Variants in STAU2 observed in about 807,000 individuals in gnomAD.
STAU2 encodes the protein staufen double-stranded RNA binding protein 2.
A neutral mutation model predicts 65.9 loss-of-function variants in STAU2; 20 were observed. The observed-to-expected ratio is 0.30, with a 90% CI of 0.21 to 0.44. STAU2 has a LOEUF of 0.44. Ranked by LOEUF, STAU2 falls within the 20% of genes least tolerant of loss-of-function variation. The pLI is 1.00. For synonymous variants in STAU2, 232 were observed against 233.9 expected, an observed-to-expected ratio of 0.99 and a Z score of 0.07; for missense variants, 558 against 683.9, an observed-to-expected ratio of 0.82 and a Z score of 2.05.
chr8:73,732,447 T>C (rs1450136163), intron 3 of STAU2: 3 of 151,978 alleles, frequency 2.0e-5, no homozygotes, highest in Admixed American at 6.6e-5. Context: ...GATGCCGGGA[T>C]CATTGGGGGC....
At chr8:73,667,135 A>G (rs1817294763) in intron 6 of STAU2, among the ~76,000 whole-genome samples, 1 of 152,150 alleles carries the variant, frequency 6.6e-6, no homozygotes, top group Non-Finnish European at 1.5e-5. Context: ...TCTACCTTCT[A>G]AATATCTATA....
At chr8:73,724,984 G>C (rs970999751) in intron 3 of STAU2, among the ~76,000 whole-genome samples, 2 of 152,118 alleles carry the variant, frequency 1.3e-5, no homozygotes, top group Admixed American at 6.6e-5. Flanking sequence ...ACCATGCCCA[G>C]TTAATTATGT....
At chr8:73,481,057 A>G (rs1002126533) in intron 13 of STAU2, among the ~76,000 whole-genome samples, 1 of 152,156 alleles carries the variant, frequency 6.6e-6, no homozygotes, top group Non-Finnish European at 1.5e-5. Context: ...CATACTACAC[A>G]CAAGTATTCA....
At chr8:73,717,570 T>C (rs953523895) in intron 3 of STAU2, among the ~76,000 whole-genome samples, 1 of 152,224 alleles carries the variant, frequency 6.6e-6, no homozygotes, top group Non-Finnish European at 1.5e-5. Flanking sequence ...TATCTACATA[T>C]AAGGAGTTTA....
At chr8:73,424,201 C>CTTTTTTTTT (rs59063960) in intron 13 of STAU2, among the ~76,000 whole-genome samples, 11 of 115,290 alleles carry the variant, frequency 9.5e-5, no homozygotes, top group African/African-American at 3.5e-4. Flanking sequence ...TCCTCTATGT[C>CTTTTTTTTT]TTTTTTTTTT....
intron 13 of STAU2, among the ~76,000 whole-genome samples, chr8:73,464,769 C>A (rs977208569): frequency 6.6e-6 from 1 of 152,170 alleles, no homozygotes; most frequent in African/African-American, 2.4e-5. Context: ...TTGAATATAG[C>A]TTGTAATAAC....
At chr8:73,428,629 A>C (rs1334314785) in intron 13 of STAU2, among the ~76,000 whole-genome samples, 5 of 152,202 alleles carry the variant, frequency 3.3e-5, no homozygotes, top group Non-Finnish European at 7.4e-5. Context: ...CAAGGGCAAA[A>C]CAACAACTAA....
chr8:73,582,691 C>T, intron 12 of STAU2, 79 bp downstream of exon 12: 8 of 1,401,002 alleles, frequency 5.7e-6, no homozygotes, highest in South Asian at 3.5e-5. Context: ...CCCAGACAGA[C>T]CCAACCAATC....
intron 11 of STAU2, among the ~76,000 whole-genome samples, chr8:73,592,208 CT>C (rs1414540572): frequency 6.6e-6 from 1 of 151,376 alleles, no homozygotes; most frequent in Non-Finnish European, 1.5e-5. Context: ...TATAAACCCC[CT>C]AGCTAAACTG....
intron 3 of STAU2, among the ~76,000 whole-genome samples, chr8:73,735,723 T>C (rs1254348063): frequency 6.6e-6 from 1 of 152,162 alleles, no homozygotes; most frequent in Non-Finnish European, 1.5e-5. Context: ...CTAGCCAACA[T>C]CCAGGGAATT....
intron 12 of STAU2, among the ~76,000 whole-genome samples, chr8:73,559,772 G>T (rs1586004361): frequency 6.6e-6 from 1 of 152,144 alleles, no homozygotes; most frequent in African/African-American, 2.4e-5. Flanking sequence ...GTATTTGTAA[G>T]TGACTCCACC....
chr8:73,538,649 A>C (rs1806332760), intron 13 of STAU2, among the ~76,000 whole-genome samples: 1 of 51,292 alleles, frequency 1.9e-5, no homozygotes, highest in Non-Finnish European at 6.8e-5. Flanking sequence ...AGAAGAGTAA[A>C]AGCTTTCTCC....
At chr8:73,518,259 C>T (rs1258718534) in intron 13 of STAU2, among the ~76,000 whole-genome samples, 2 of 152,134 alleles carry the variant, frequency 1.3e-5, no homozygotes, top group Non-Finnish European at 2.9e-5. Flanking sequence ...GCAATACTTC[C>T]AGAAAACTGG....
At chr8:73,695,619 G>A (rs1172023504) in intron 4 of STAU2, among the ~76,000 whole-genome samples, 1 of 152,166 alleles carries the variant, frequency 6.6e-6, no homozygotes, top group Non-Finnish European at 1.5e-5. Context: ...CTAGGTACCA[G>A]CTCAGCCACA....
At chr8:73,627,233 A>AGGGGG (rs1563467228) in intron 6 of STAU2, among the ~76,000 whole-genome samples, 86 of 5,072 alleles carry the variant, frequency 0.017, no homozygotes, top group Middle Eastern at 0.17. Flanking sequence ...AGGGGGGGGC[A>AGGGGG]GGAGGGCGGG....
At chr8:73,598,118 G>A (rs947143711) in intron 10 of STAU2, among the ~76,000 whole-genome samples, 1 of 151,852 alleles carries the variant, frequency 6.6e-6, no homozygotes, top group Non-Finnish European at 1.5e-5. Context: ...TCATGACAAA[G>A]TTAGGTTTAT....
intron 12 of STAU2, among the ~76,000 whole-genome samples, chr8:73,563,546 T>G (rs577185465): frequency 1.3e-5 from 2 of 152,288 alleles, no homozygotes; most frequent in East Asian, 3.9e-4. Flanking sequence ...ATACCTTAGT[T>G]GTGATATTGT....
intron 4 of STAU2, among the ~76,000 whole-genome samples, chr8:73,689,360 T>G (rs993371743): frequency 1.7e-4 from 26 of 152,194 alleles, no homozygotes; most frequent in African/African-American, 6.3e-4. Context: ...CAAATCTTCT[T>G]CCTCTCTCTG....
chr8:73,696,897 C>T (rs1819724231), intron 4 of STAU2, among the ~76,000 whole-genome samples: 1 of 152,118 alleles, frequency 6.6e-6, no homozygotes, highest in Admixed American at 6.5e-5. Context: ...GAACACCAAG[C>T]AGATTTAACC....
Sources: gnomAD v4.1 joint callset for allele counts (sites outside exome capture counted in the v4.1 genomes callset) on GRCh38, gnomAD v4.1.1 for gene constraint, MANE v1.5 for transcripts, NCBI Gene and HGNC (gene_info 2026-07-23, HGNC 2026-07-21) for gene names.